The following FGD6 variants were observed in gnomAD, a reference collection of about 807,000 sequenced individuals.
FGD6 encodes FYVE, RhoGEF and PH domain-containing protein 6.
In FGD6, 90 loss-of-function variants were observed where a neutral mutation model predicts 149.4. That is an observed-to-expected ratio of 0.60 (90% CI 0.51 to 0.72). The LOEUF (loss-of-function observed/expected upper bound fraction) is 0.72, where lower values mean the gene tolerates loss of function less well. FGD6 is among the 30% of genes least tolerant of loss of function. The pLI is 0.00. For missense variants in FGD6, 1,437 were observed against 1,684.8 expected (o/e 0.85, Z 2.57); for synonymous variants, 527 against 584.0 (o/e 0.90, Z 1.41).
rs1877606537 is a variant in FGD6, at chr12:95,079,631, A to G, written c.*1889T>C. The G allele has an allele frequency of 6.6e-6, 1 of 152,252 alleles. No homozygotes were observed. Among genetic ancestry groups the G allele is most frequent in the African/African-American group, 2.4e-5 (1 of 41,474 alleles). The allele number at this position is 152,252 out of a possible 1,614,324, so 9.4% of individuals were successfully genotyped here. On this transcript the variant is annotated 3_prime_UTR_variant, in exon 21 of 21. Coordinates refer to ENST00000343958, the MANE Select transcript of FGD6 (RefSeq NM_018351.4). Reference sequence around the variant, plus strand: ...AAGCCTTATTTATGTGATCTTGATTATATAAAATTGAGCTACAAAGAAATT... The same window carrying G: ...AAGCCTTATTTATGTGATCTTGATTGTATAAAATTGAGCTACAAAGAAATT...
intron 2 of FGD6, among the ~76,000 whole-genome samples, chr12:95,199,196 C>T (rs991169209): frequency 2.0e-5 from 3 of 152,146 alleles, no homozygotes; most frequent in South Asian, 2.1e-4. Flanking sequence ...TGGAATTTCC[C>T]ATTTCTGTGG....
intron 5 of FGD6, among the ~76,000 whole-genome samples, chr12:95,148,641 TTA>T (rs1179785840): frequency 4.4e-5 from 5 of 113,970 alleles, no homozygotes; most frequent in South Asian, 2.6e-4. Flanking sequence ...ATATGTTATA[TTA>T]TATATATTAT....
In FGD6 at chr12:95,217,328, GAA is replaced by G; in HGVS notation, c.-90_-89del. ...TTGTTCCCACAGTTCGGGTAGGAGA[GAA>G]AAGCCCCCGCAGCGCCCACATTCCG... On this transcript the variant is annotated 5_prime_UTR_variant, in exon 1 of 21. It removes the in-frame stop codon of an upstream open reading frame in the 5' UTR. Transcript: ENST00000343958. The G allele has an allele frequency of 6.8e-7, 1 of 1,479,288 alleles. No homozygotes were observed. The highest frequency in any genetic ancestry group is 9.1e-7 in the Non-Finnish European group (1 of 1,104,534). 91.6% of individuals were successfully genotyped at this position (1,479,288 alleles called of 1,614,324 possible).
In FGD6 at chr12:95,081,433, A is replaced by AT. The variant is rs1224891159; in HGVS notation, c.*86dup. ...GGTTGGCTTTATCTTGGCAGTGTTC[A>AT]TTTTTATACAATTTTTGAATTGCAT... On this transcript the variant is annotated 3_prime_UTR_variant, in exon 21 of 21. Coordinates refer to ENST00000343958, the MANE Select transcript of FGD6 (RefSeq NM_018351.4). The AT allele has an allele frequency of 1.6e-6, 2 of 1,226,604 alleles. No individual in the cohort carries two copies. Among genetic ancestry groups the AT allele is most frequent in the Non-Finnish European group, 2.2e-6 (2 of 897,326 alleles). 76.0% of individuals were successfully genotyped at this position (1,226,604 alleles called of 1,614,324 possible).
intron 5 of FGD6, among the ~76,000 whole-genome samples, chr12:95,148,895 G>T (rs184991726): frequency 5.3e-4 from 10 of 18,982 alleles, no homozygotes; most frequent in Admixed American, 1.3e-3. Context: ...TATTATATAA[G>T]ATATAGCATA....
intron 2 of FGD6, among the ~76,000 whole-genome samples, chr12:95,195,057 T>G (rs1445456315): frequency 2.0e-5 from 3 of 152,196 alleles, no homozygotes; most frequent in African/African-American, 7.2e-5. Flanking sequence ...TTTATTTGTT[T>G]CCTGGTTTTC....
intron 3 of FGD6, among the ~76,000 whole-genome samples, chr12:95,158,354 T>C (rs1399059217): frequency 6.6e-6 from 1 of 151,208 alleles, no homozygotes; most frequent in East Asian, 1.9e-4. Context: ...TTTTTGTATT[T>C]TTAGTAGAGA....
chr12:95,092,661 T>TAA, intron 16 of FGD6, 38 bp downstream of exon 16: 1 of 1,607,732 alleles, frequency 6.2e-7, no homozygotes, highest in Non-Finnish European at 8.5e-7. Context: ...CTGGAGACAG[T>TAA]AAAGACCACA....
intron 3 of FGD6, among the ~76,000 whole-genome samples, chr12:95,160,597 C>T (rs1880610546): frequency 6.6e-6 from 1 of 152,186 alleles, no homozygotes; most frequent in African/African-American, 2.4e-5. Context: ...GCATTTTTGT[C>T]CCTGACCAGC....
rs1880354527 is a variant in FGD6, at chr12:95,153,001, T to A, written c.2587-8A>T. ...CATTCCATTATCTTCATCCTGTGGATAAGAGCACATTTAACATGAACTCAT... is the reference window on the plus strand; with the variant it reads ...CATTCCATTATCTTCATCCTGTGGAAAAGAGCACATTTAACATGAACTCAT... On this transcript the variant is annotated splice_region_variant and splice_polypyrimidine_tract_variant and intron_variant, in intron 3 of 20. Coordinates refer to ENST00000343958, the MANE Select transcript of FGD6 (RefSeq NM_018351.4). 6.2e-7 allele frequency: 1 copy of A among 1,612,164 alleles called. No individual in the cohort carries two copies. The highest frequency in any genetic ancestry group is 8.5e-7 in the Non-Finnish European group (1 of 1,178,442).
chr12:95,215,552 G>C (rs1387862897), intron 1 of FGD6, among the ~76,000 whole-genome samples: 2 of 152,186 alleles, frequency 1.3e-5, no homozygotes, highest in Non-Finnish European at 2.9e-5. Flanking sequence ...GAGCAAAAAA[G>C]TAGTTGATGC....
At chr12:95,213,114 C>CT (rs2056736314) in intron 1 of FGD6, among the ~76,000 whole-genome samples, 2 of 152,108 alleles carry the variant, frequency 1.3e-5, no homozygotes. Context: ...TTGTAAATGT[C>CT]TATTAAATCA....
intron 2 of FGD6, among the ~76,000 whole-genome samples, chr12:95,199,402 C>A (rs766343366): frequency 1.3e-4 from 19 of 151,998 alleles, no homozygotes; most frequent in Non-Finnish European, 2.6e-4. Context: ...AAAAAAAAAT[C>A]CTTATTTATT....
At chr12:95,094,505 CAT>C in intron 15 of FGD6, 85 bp downstream of exon 15, 2 of 836,500 alleles carry the variant, frequency 2.4e-6, no homozygotes, top group Non-Finnish European at 3.9e-6. Context: ...TTCTGAAACA[CAT>C]GTTGCTTTCT....
At chr12:95,194,884 T>A (rs528382506) in intron 2 of FGD6, among the ~76,000 whole-genome samples, 2 of 152,262 alleles carry the variant, frequency 1.3e-5, no homozygotes, top group South Asian at 4.1e-4. Flanking sequence ...CTTTGCCACA[T>A]GTGAATCTAC....
chr12:95,095,900 G>C (rs1592828569), intron 14 of FGD6, among the ~76,000 whole-genome samples: 1 of 151,964 alleles, frequency 6.6e-6, no homozygotes, highest in South Asian at 2.1e-4. Context: ...TGTAATCCCA[G>C]CTACTCAGGG....
chr12:95,106,917 CAAAACAA>C (rs370928013), intron 13 of FGD6, 30 bp downstream of exon 13: 113,436 of 1,400,330 alleles, frequency 0.081, 13,026 homozygotes, highest in African/African-American at 0.3. Context: ...CAAAACAAAA[CAAAACAA>C]AAAACAAAAC....
At position 95,211,166 on chromosome 12, in the gene FGD6, T is replaced by C. The variant is rs770111047; in HGVS notation, c.118A>G (p.Ser40Gly). 10 of 1,614,186 alleles carry C rather than the reference T, an allele frequency of 6.2e-6. No homozygotes were observed. The highest frequency in any genetic ancestry group is 8.5e-6 in the Non-Finnish European group (10 of 1,180,034). The change falls in exon 2 of 21, where the codon AGT becomes GGT. Residue 40 changes from serine to glycine, a missense_variant. Ser to Gly is a moderately conservative substitution (Grantham distance 56, BLOSUM62 0). Coordinates refer to ENST00000343958, the MANE Select transcript of FGD6 (RefSeq NM_018351.4). ...IAPKPDIVIS[S>G]VPQSTKKMKP... ...ATTTTCTTTGTCGACTGTGGAACAC[T>C]AGAAATCACAATGTCGGGTTTAGGT...
rs772325022 is a variant in FGD6, at chr12:95,137,601, T to C, written c.2915A>G (p.Glu972Gly). ...CAGCAAGGCTATATTCTTATCAAAT[T>C]CTTTGATGTATGTGGAATACATTTT... ...YLKMYSTYIK[E>G]FDKNIALLDE... The change falls in exon 7 of 21, where the codon GAA becomes GGA. Residue 972 changes from glutamate to glycine, a missense_variant. Physicochemically the swap from Glu to Gly is moderately conservative, Grantham distance 98 (BLOSUM62 -2). Coordinates refer to ENST00000343958, the MANE Select transcript of FGD6 (RefSeq NM_018351.4). The C allele has an allele frequency of 6.2e-7, 1 of 1,611,338 alleles. No homozygotes were observed. Among genetic ancestry groups the C allele is most frequent in the Admixed American group, 1.7e-5 (1 of 59,604 alleles).
Sources: gnomAD v4.1 joint callset for allele counts (sites outside exome capture counted in the v4.1 genomes callset) on GRCh38, gnomAD v4.1.1 for gene constraint, MANE v1.5 for transcripts, NCBI Gene and HGNC (gene_info 2026-07-23, HGNC 2026-07-21) for gene names.